PDE10A: variants seen among roughly 807,000 people sequenced by gnomAD.
The protein encoded by PDE10A is cAMP and cAMP-inhibited cGMP 3',5'-cyclic phosphodiesterase 10A.
Under a neutral mutation model 97.7 loss-of-function variants are expected in PDE10A, and 39 were observed. The observed-to-expected ratio is 0.40, with a 90% CI of 0.31 to 0.52. The LOEUF (loss-of-function observed/expected upper bound fraction) is 0.52, where lower values mean the gene tolerates loss of function less well. PDE10A is among the 20% of genes least tolerant of loss of function. The pLI is 0.56. For synonymous variants in PDE10A, 371 were observed against 376.8 expected, an observed-to-expected ratio of 0.98 and a Z score of 0.18; for missense variants, 731 against 1,047.8, an observed-to-expected ratio of 0.70 and a Z score of 4.17.
At chr6:165,849,285 A>T (rs1780505610) in intron 1 of PDE10A, among the ~76,000 whole-genome samples, 2 of 152,232 alleles carry the variant, frequency 1.3e-5, no homozygotes, top group African/African-American at 4.8e-5. Flanking sequence ...AATATTATTT[A>T]TGAGGCCCTA....
chr6:165,505,966 G>GA, intron 2 of PDE10A, among the ~76,000 whole-genome samples: 1 of 151,990 alleles, frequency 6.6e-6, no homozygotes, highest in East Asian at 1.9e-4. Context: ...AATATATAGT[G>GA]AAAAAAATAA....
At chr6:165,759,339 G>A (rs547787521) in intron 1 of PDE10A, among the ~76,000 whole-genome samples, 23 of 152,292 alleles carry the variant, frequency 1.5e-4, no homozygotes, top group South Asian at 4.2e-4. Flanking sequence ...CAGGGACAGC[G>A]TTGAGAGAAC....
rs1364318968 is a variant in PDE10A at position 165,448,935 on chromosome 6, C to T, written c.1187G>A (p.Cys396Tyr). 6.2e-7 allele frequency: 1 copy of T among 1,606,778 alleles called. No individual in the cohort carries two copies. The highest frequency in any genetic ancestry group is 8.5e-7 in the Non-Finnish European group (1 of 1,174,494). Reference protein sequence around the residue: ...DGFALYFLGECNNSLCIFTPP... With the variant: ...DGFALYFLGEYNNSLCIFTPP... ...CTAAATTTAGATACTTACATTATTG[C>T]ACTCTCCAAGGAAATACAGTGCAAA... is the stretch of plus-strand genomic sequence containing the variant. Residue 396 changes from cysteine (C) to tyrosine (Y), a missense_variant, in exon 5 of 22, where the codon TGC (cysteine) becomes TAC (tyrosine). Transcript: ENST00000539869.
rs1788495837 is a variant in PDE10A at position 165,418,811 on chromosome 6, T to C, written c.1654-34A>G. The C allele has an allele frequency of 1.3e-6, 2 of 1,585,670 alleles. No homozygotes were observed. The highest frequency in any genetic ancestry group is 8.6e-7 in the Non-Finnish European group (1 of 1,159,852). On this transcript the variant is annotated intron_variant, in intron 10 of 21. Transcript: ENST00000539869. This position sits in a 1 kb window ranked among gnomAD's most constrained non-coding sequence, Gnocchi z 4.8. ...AAATGACAAAATAAGAGGAAGACAA[T>C]GAGACATTCAAAGAACTTGCAGGTA...
At chr6:165,481,951 C>T (rs1336614496) in intron 3 of PDE10A, among the ~76,000 whole-genome samples, 1 of 152,164 alleles carries the variant, frequency 6.6e-6, no homozygotes, top group Non-Finnish European at 1.5e-5. Context: ...AGGCAGCTTC[C>T]GCTTCCCACC....
chr6:165,428,467 A>T (rs1297288624), intron 10 of PDE10A, among the ~76,000 whole-genome samples, 191 bp downstream of exon 10: 1 of 152,124 alleles, frequency 6.6e-6, no homozygotes, highest in Non-Finnish European at 1.5e-5. Flanking sequence ...TGAGATTTTT[A>T]AAAATGTTAT....
chr6:165,417,236 G>A (rs1176015856), intron 11 of PDE10A, among the ~76,000 whole-genome samples: 1 of 152,160 alleles, frequency 6.6e-6, no homozygotes, highest in Non-Finnish European at 1.5e-5. Flanking sequence ...TCTTTTTCCT[G>A]GTTTTCTTGT....
At chr6:165,759,344 G>A (rs936835615) in intron 1 of PDE10A, among the ~76,000 whole-genome samples, 1 of 152,214 alleles carries the variant, frequency 6.6e-6, no homozygotes, top group Non-Finnish European at 1.5e-5. Flanking sequence ...ACAGCGTTGA[G>A]AGAACATTCT....
rs1036310556 is a variant in PDE10A, at chr6:165,332,230, G to A, written c.*795C>T. The A allele has an allele frequency of 6.6e-6, 1 of 152,108 alleles. No individual in the cohort carries two copies. Among genetic ancestry groups the A allele is most frequent in the Non-Finnish European group, 1.5e-5 (1 of 68,012 alleles). 9.4% of individuals were successfully genotyped at this position (152,108 alleles called of 1,614,324 possible). ...TTTTGTTCTTTATGCAAAGGGTTCA[G>A]TAAAACTGCCAAGACAACAACAAAA... On this transcript the variant is annotated 3_prime_UTR_variant, in exon 22 of 22. Transcript: ENST00000539869.
At chr6:165,733,332 G>T (rs1792486431) in intron 1 of PDE10A, among the ~76,000 whole-genome samples, 1 of 152,164 alleles carries the variant, frequency 6.6e-6, no homozygotes, top group African/African-American at 2.4e-5. Context: ...ACTTGTGCTG[G>T]GGCAAGGGGG....
intron 9 of PDE10A, 30 bp downstream of exon 9, chr6:165,430,257 G>C: frequency 6.6e-7 from 1 of 1,514,896 alleles, no homozygotes. Flanking sequence ...TGATTAATAA[G>C]AGCTACTATC....
intron 1 of PDE10A, among the ~76,000 whole-genome samples, chr6:165,619,398 T>C (rs1583657097): frequency 1.4e-5 from 2 of 143,306 alleles, no homozygotes; most frequent in Non-Finnish European, 3.1e-5. Flanking sequence ...TATAGTGTAG[T>C]GTAGTGTAGT....
intron 1 of PDE10A, among the ~76,000 whole-genome samples, chr6:165,709,534 C>G (rs1382312085): frequency 1.0e-5 from 1 of 97,922 alleles, no homozygotes; most frequent in African/African-American, 4.2e-5. Flanking sequence ...CTGCTTCGCT[C>G]TCCCTCCCCT....
intron 2 of PDE10A, among the ~76,000 whole-genome samples, 161 bp downstream of exon 2, chr6:165,543,279 C>T (rs1347519732): frequency 3.3e-5 from 5 of 152,056 alleles, no homozygotes; most frequent in African/African-American, 1.2e-4. Context: ...TTTATTTCTT[C>T]TCTAACTTAC....
chr6:165,471,058 T>A (rs965680541), intron 3 of PDE10A, among the ~76,000 whole-genome samples: 1 of 152,120 alleles, frequency 6.6e-6, no homozygotes, highest in African/African-American at 2.4e-5. Flanking sequence ...CAAATTCCAA[T>A]TGCTCCAAGA....
At chr6:165,372,038 TA>T (rs1193486175) in intron 18 of PDE10A, among the ~76,000 whole-genome samples, 6 of 150,566 alleles carry the variant, frequency 4.0e-5, no homozygotes, top group Non-Finnish European at 8.8e-5. Flanking sequence ...CCCTTCATGC[TA>T]AAAACTCTCA....
At chr6:165,377,480 T>C (rs548036000) in intron 18 of PDE10A, among the ~76,000 whole-genome samples, 1 of 152,316 alleles carries the variant, frequency 6.6e-6, no homozygotes, top group South Asian at 2.1e-4. Context: ...ATGTCAAAAA[T>C]TATTTAAACA....
chr6:165,713,651 C>T (rs1313985195), intron 1 of PDE10A, among the ~76,000 whole-genome samples: 1 of 152,118 alleles, frequency 6.6e-6, no homozygotes, highest in African/African-American at 2.4e-5. Context: ...CCGCAAACAC[C>T]GATGCTTTCT....
intron 18 of PDE10A, among the ~76,000 whole-genome samples, chr6:165,348,953 A>T (rs767861421): frequency 3.9e-5 from 6 of 152,188 alleles, no homozygotes; most frequent in Non-Finnish European, 7.3e-5. Context: ...CGCCCCAGAC[A>T]TGAAGAACTG....
Sources: allele counts gnomAD v4.1 joint callset (sites outside exome capture counted in the v4.1 genomes callset), GRCh38; gene constraint gnomAD v4.1.1; non-coding constraint Gnocchi (gnomAD v3.1); transcripts MANE v1.5; gene names NCBI Gene and HGNC (gene_info 2026-07-23, HGNC 2026-07-21).